The following ANKRD13C variants were observed in gnomAD, a reference collection of about 807,000 sequenced individuals.
ANKRD13C encodes the protein ankyrin repeat domain 13C, also known as ankyrin repeat domain-containing protein 13C.
ANKRD13C carries 16 observed loss-of-function variants against 65.5 expected under a neutral mutation model. That is an observed-to-expected ratio of 0.24 (90% CI 0.17 to 0.37). The LOEUF (loss-of-function observed/expected upper bound fraction) is 0.37. Ranked by LOEUF, ANKRD13C falls within the 10% of genes least tolerant of loss-of-function variation. ANKRD13C has a pLI of 1.00. For synonymous variants in ANKRD13C, 235 were observed against 238.7 expected, an observed-to-expected ratio of 0.98 and a Z score of 0.14; for missense variants, 503 against 655.9, an observed-to-expected ratio of 0.77 and a Z score of 2.55.
intron 12 of ANKRD13C, among the ~76,000 whole-genome samples, chr1:70,265,529 G>T (rs984722876): frequency 6.6e-6 from 1 of 152,032 alleles, no homozygotes; most frequent in Non-Finnish European, 1.5e-5. Flanking sequence ...GCAATTTTAA[G>T]AAATAATACA....
intron 3 of ANKRD13C, among the ~76,000 whole-genome samples, chr1:70,320,278 A>G (rs1384117967): frequency 6.6e-6 from 1 of 152,190 alleles, no homozygotes; most frequent in Non-Finnish European, 1.5e-5. Context: ...TATGTAGAGA[A>G]TAATATGACC....
At chr1:70,283,700 C>T (rs966404559) in intron 9 of ANKRD13C, among the ~76,000 whole-genome samples, 2 of 151,932 alleles carry the variant, frequency 1.3e-5, no homozygotes, top group Non-Finnish European at 2.9e-5. Flanking sequence ...CCCAGCTACT[C>T]AGGAGGCTGA....
At chr1:70,352,527 C>T (rs572497267) in intron 1 of ANKRD13C, among the ~76,000 whole-genome samples, 1 of 152,250 alleles carries the variant, frequency 6.6e-6, no homozygotes, top group East Asian at 1.9e-4. Flanking sequence ...ATTCATCCAT[C>T]TCTTCTTTCA....
intron 8 of ANKRD13C, among the ~76,000 whole-genome samples, chr1:70,295,409 G>C (rs190632674): frequency 1.3e-5 from 2 of 151,792 alleles, no homozygotes; most frequent in African/African-American, 4.8e-5. Flanking sequence ...CACCACGCCC[G>C]GGTAATTTTT....
chr1:70,311,429 C>A (rs1048645231), intron 5 of ANKRD13C, among the ~76,000 whole-genome samples: 1 of 151,992 alleles, frequency 6.6e-6, no homozygotes, highest in African/African-American at 2.4e-5. Context: ...GAGCTGAGAT[C>A]GCGTGACTGC....
At position 70,272,946 on chromosome 1, in the gene ANKRD13C, C is replaced by T. The variant is rs539476667; in HGVS notation, c.1394+1774G>A. ...GAGGTTGCAGTGAGCCGAGATTGTGCCACTGCACTCCAGCCTTGGCAACAG... is the reference window on the plus strand; with the variant it reads ...GAGGTTGCAGTGAGCCGAGATTGTGTCACTGCACTCCAGCCTTGGCAACAG... On this transcript the variant is annotated intron_variant, in intron 11 of 12. Transcript: ENST00000370944. Among the ~76,000 whole-genome samples the T allele has an allele frequency of 2.0e-5, 3 of 151,752 alleles. No homozygotes were observed. In the East Asian group the frequency reaches 5.8e-4, roughly 29 times the overall value.
At chr1:70,271,309 T>C (rs1226551132) in intron 11 of ANKRD13C, among the ~76,000 whole-genome samples, 1 of 152,210 alleles carries the variant, frequency 6.6e-6, no homozygotes. Flanking sequence ...TGATAAATGA[T>C]TGCTTCTTAT....
At chr1:70,351,615 G>T (rs953854320) in intron 1 of ANKRD13C, among the ~76,000 whole-genome samples, 1 of 152,048 alleles carries the variant, frequency 6.6e-6, no homozygotes, top group African/African-American at 2.4e-5. Context: ...GGTCAGGCTG[G>T]TCTTGAACTC....
chr1:70,350,203 C>T (rs995218478), intron 1 of ANKRD13C, among the ~76,000 whole-genome samples: 2 of 152,192 alleles, frequency 1.3e-5, no homozygotes, highest in African/African-American at 4.8e-5. Context: ...TGCTGCTTTA[C>T]AGCAATATAG....
chr1:70,295,112 T>C (rs548574969), intron 8 of ANKRD13C, among the ~76,000 whole-genome samples: 1 of 152,170 alleles, frequency 6.6e-6, no homozygotes. Context: ...CATTTCATTG[T>C]GTATAATAAA....
At chr1:70,331,886 A>C (rs1484142707) in intron 2 of ANKRD13C, among the ~76,000 whole-genome samples, 1 of 151,708 alleles carries the variant, frequency 6.6e-6, no homozygotes, top group Non-Finnish European at 1.5e-5. Flanking sequence ...TCCACTACAT[A>C]TTCTAATCTC....
At chr1:70,353,877 A>G in intron 1 of ANKRD13C, 102 bp downstream of exon 1, 6 of 1,390,452 alleles carry the variant, frequency 4.3e-6, no homozygotes, top group Non-Finnish European at 4.7e-6. Context: ...TGATGGGCAA[A>G]AAGAAGAGTC....
Position 70,354,619 on chromosome 1 carries a change from G to T in ANKRD13C, c.-211C>A. The T allele has an allele frequency of 8.2e-7, 1 of 1,214,846 alleles. No individual in the cohort carries two copies. Among genetic ancestry groups the T allele is most frequent in the Non-Finnish European group, 1.1e-6 (1 of 899,868 alleles). The allele number at this position is 1,214,846 out of a possible 1,614,324, so 75.3% of individuals were successfully genotyped here. On this transcript the variant is annotated 5_prime_UTR_variant, in exon 1 of 13. Transcript: ENST00000370944. Reference sequence around the variant, plus strand: ...AAGGGACGCGCGCTCGCTGGGGGAAGCTAGAACTCAGGTGCCCACGACACC... The same window carrying T: ...AAGGGACGCGCGCTCGCTGGGGGAATCTAGAACTCAGGTGCCCACGACACC...
intron 2 of ANKRD13C, among the ~76,000 whole-genome samples, chr1:70,332,088 AAAC>A (rs1681834115): frequency 6.6e-6 from 1 of 152,218 alleles, no homozygotes; most frequent in African/African-American, 2.4e-5. Flanking sequence ...AAGGATTCAG[AAAC>A]AACAAATACC....
intron 1 of ANKRD13C, among the ~76,000 whole-genome samples, chr1:70,344,701 T>C (rs914984681): frequency 1.5e-4 from 23 of 152,132 alleles, no homozygotes; most frequent in African/African-American, 5.1e-4. Flanking sequence ...CAAAAATTTA[T>C]ATTCTTTTTA....
rs1391977505 is a variant in ANKRD13C at position 70,292,779 on chromosome 1, T to C, written c.1054-230A>G. Among the ~76,000 whole-genome samples, 3 of 152,264 alleles carry C rather than the reference T, an allele frequency of 2.0e-5. No homozygotes were observed. The East Asian group carries it at 5.8e-4, about 29-fold the overall frequency. ...CATTTCAAATCAGTAAAGAGAAATTTAAAATACATAAAAATGTATGGTAGT... is the reference window on the plus strand; with the variant it reads ...CATTTCAAATCAGTAAAGAGAAATTCAAAATACATAAAAATGTATGGTAGT... On this transcript the variant is annotated intron_variant, in intron 8 of 12. Coordinates refer to ENST00000370944, the MANE Select transcript of ANKRD13C (RefSeq NM_030816.5).
intron 9 of ANKRD13C, among the ~76,000 whole-genome samples, chr1:70,290,635 G>A (rs767485476): frequency 9.9e-5 from 15 of 151,480 alleles, no homozygotes; most frequent in Non-Finnish European, 1.8e-4. Context: ...TCAGTCTCCC[G>A]GGCTCAAGTG....
chr1:70,282,352 G>A (rs1415898044), intron 9 of ANKRD13C, among the ~76,000 whole-genome samples: 3 of 151,930 alleles, frequency 2.0e-5, no homozygotes, highest in Non-Finnish European at 4.4e-5. Flanking sequence ...ACCGCGCCCG[G>A]CAATATAAAT....
intron 6 of ANKRD13C, chr1:70,305,860 T>C (rs564447604): frequency 3.3e-5 from 5 of 153,260 alleles, no homozygotes; most frequent in African/African-American, 1.2e-4. Context: ...CTTCCTTATG[T>C]GTCCCTTATT....
Sources: allele counts gnomAD v4.1 joint callset (sites outside exome capture counted in the v4.1 genomes callset), GRCh38; gene constraint gnomAD v4.1.1; transcripts MANE v1.5; gene names NCBI Gene and HGNC (gene_info 2026-07-23, HGNC 2026-07-21).